SRP9: variants seen among roughly 807,000 people sequenced by gnomAD.
SRP9 encodes signal recognition particle 9, also known as signal recognition particle 9 kDa protein.
In SRP9, 2 loss-of-function variants were observed where a neutral mutation model predicts 11.7. That is an observed-to-expected ratio of 0.17 (90% CI 0.07 to 0.54). The LOEUF (loss-of-function observed/expected upper bound fraction) is 0.54, where lower values mean the gene tolerates loss of function less well. Ranked by LOEUF, SRP9 falls within the 20% of genes least tolerant of loss-of-function variation. The pLI, the probability that SRP9 is intolerant of heterozygous loss-of-function variation, is 0.94. For missense variants in SRP9, 54 were observed against 108.1 expected, an observed-to-expected ratio of 0.50 and a Z score of 2.22; for synonymous variants, 27 against 35.6, an observed-to-expected ratio of 0.76 and a Z score of 0.86.
chr1:225,789,160 A>G (rs775689467), intron 2 of SRP9, 80 bp from the exon 3 acceptor site: 170 of 1,554,912 alleles, frequency 1.1e-4, no homozygotes, highest in Non-Finnish European at 1.4e-4. Flanking sequence ...AACTCTCAAA[A>G]TTTTACCCAA....
intron 2 of SRP9, among the ~76,000 whole-genome samples, chr1:225,788,841 GT>G (rs201423099): frequency 1.3e-5 from 2 of 151,490 alleles, no homozygotes; most frequent in African/African-American, 2.4e-5. Context: ...AGATTTCTGT[GT>G]TTTTTTTTCC....
At chr1:225,785,478 T>C (rs1417338222) in intron 2 of SRP9, among the ~76,000 whole-genome samples, 1 of 151,672 alleles carries the variant, frequency 6.6e-6, no homozygotes, top group Non-Finnish European at 1.5e-5. Flanking sequence ...CCTCCTGGGT[T>C]CACGCCATTC....
rs67816765 is a variant in SRP9, at chr1:225,780,178, A to ATTTTTT, written c.72+2187_72+2192dup. ...ACAGACATGCCACCATGCCTGCCTA[A>ATTTTTT]TTTTTTTTTTTTTTTTTTTTTTTTT... On this transcript the variant is annotated intron_variant, in intron 1 of 2. Transcript: ENST00000304786. Among the ~76,000 whole-genome samples the ATTTTTT allele has an allele frequency of 2.6e-4, 34 of 130,172 alleles. 1 individual carries two copies. The highest frequency in any genetic ancestry group is 4.7e-4 in the Non-Finnish European group (30 of 63,302). The allele number at this position is 130,172 out of a possible 152,430, so 85.4% of individuals were successfully genotyped here. A position where few individuals can be genotyped will look rare whatever the true frequency, so the allele number is the denominator to read the frequency against.
intron 2 of SRP9, among the ~76,000 whole-genome samples, chr1:225,787,261 G>A (rs779246128): frequency 8.5e-5 from 13 of 152,138 alleles, no homozygotes; most frequent in African/African-American, 2.2e-4. Context: ...TAGGCCGGGC[G>A]CGGTGGCTCG....
In SRP9 at chr1:225,785,224, C is replaced by T. The variant is rs549272419; in HGVS notation, c.141+1856C>T. On this transcript the variant is annotated intron_variant, in intron 2 of 2. Coordinates refer to ENST00000304786, the MANE Select transcript of SRP9 (RefSeq NM_003133.6). ...TAGCTGGGACTACAGCCGTGCACCA[C>T]CACGCCCAACTAATTTTTTTTTTTT... Among the ~76,000 whole-genome samples, 11 of 151,212 alleles carry T rather than the reference C, an allele frequency of 7.3e-5. No individual in the cohort carries two copies. The South Asian group carries it at 8.4e-4, about 12-fold the overall frequency.
At position 225,777,851 on chromosome 1, in the gene SRP9, T is replaced by C; in HGVS notation, c.-90T>C. On this transcript the variant is annotated 5_prime_UTR_variant, in exon 1 of 3. Coordinates refer to ENST00000304786, the MANE Select transcript of SRP9 (RefSeq NM_003133.6). Reference sequence around the variant, plus strand: ...GCCGCCATCTTGGGGCTGCTGGGACTCGCGTCGGTTGGCGACTCCCGGACG... The same window carrying C: ...GCCGCCATCTTGGGGCTGCTGGGACCCGCGTCGGTTGGCGACTCCCGGACG... 2 of 1,304,940 alleles carry C rather than the reference T, an allele frequency of 1.5e-6. No homozygotes were observed. Among genetic ancestry groups the C allele is most frequent in the Non-Finnish European group, 2.2e-6 (2 of 918,484 alleles). 80.8% of individuals were successfully genotyped at this position (1,304,940 alleles called of 1,614,324 possible). A position where few individuals can be genotyped will look rare whatever the true frequency, so the allele number is the denominator to read the frequency against.
chr1:225,786,784 T>G (rs1665924900), intron 2 of SRP9: 2 of 1,233,134 alleles, frequency 1.6e-6, no homozygotes, highest in Admixed American at 2.9e-5. Context: ...CTAACATGAG[T>G]GCTTACCCTT....
intron 2 of SRP9, among the ~76,000 whole-genome samples, chr1:225,784,949 A>G (rs75875508): frequency 0.058 from 8,801 of 152,146 alleles, 349 homozygotes; most frequent in Middle Eastern, 0.13. Context: ...TTAATTAAAA[A>G]AATTTTTTTA....
At chr1:225,781,190 C>G (rs1665787508) in intron 1 of SRP9, among the ~76,000 whole-genome samples, 1 of 152,138 alleles carries the variant, frequency 6.6e-6, no homozygotes, top group Non-Finnish European at 1.5e-5. Flanking sequence ...TTTTCCCAGT[C>G]TAAGTTACTT....
chr1:225,778,024 G>C lies in SRP9; in HGVS notation c.72+12G>C. 1 of 1,614,122 alleles carries C rather than the reference G, an allele frequency of 6.2e-7. No homozygotes were observed. Among genetic ancestry groups the C allele is most frequent in the Non-Finnish European group, 8.5e-7 (1 of 1,179,990 alleles). ...CTGACCCTATGAAGGTAAATCGCTG[G>C]CGGGGCCGCTGCTTTGGGCCCCAGC... On this transcript the variant is annotated intron_variant, in intron 1 of 2. Coordinates refer to ENST00000304786, the MANE Select transcript of SRP9 (RefSeq NM_003133.6).
At chr1:225,778,372 T>G (rs906609726) in intron 1 of SRP9, among the ~76,000 whole-genome samples, 7 of 152,192 alleles carry the variant, frequency 4.6e-5, no homozygotes, top group African/African-American at 1.7e-4. Flanking sequence ...CTGTACCGCC[T>G]AGGCGGTAAG....
At chr1:225,783,182 T>G in intron 1 of SRP9, 118 bp from the exon 2 acceptor site, 2 of 683,172 alleles carry the variant, frequency 2.9e-6, no homozygotes, top group Non-Finnish European at 4.8e-6. Context: ...TAAAAATGCC[T>G]TTAGATGTTT....
Position 225,784,000 on chromosome 1 carries a change from G to GT in SRP9, c.141+642dup, listed in dbSNP as rs1001266450. Among the ~76,000 whole-genome samples, 401 of 145,760 alleles carry GT rather than the reference G, an allele frequency of 2.8e-3. 2 individuals are homozygous for GT. Among genetic ancestry groups the GT allele is most frequent in the Admixed American group, 7.1e-3 (103 of 14,590 alleles). On this transcript the variant is annotated intron_variant, in intron 2 of 2. Coordinates refer to ENST00000304786, the MANE Select transcript of SRP9 (RefSeq NM_003133.6). ...GTTGTTTCATTCTTCTTTGCTGATT[G>GT]TTTTTTTTTTGATGTGCCCCATATA... is the stretch of plus-strand genomic sequence containing the variant.
intron 2 of SRP9, among the ~76,000 whole-genome samples, chr1:225,785,142 C>A (rs1361225732): frequency 2.0e-5 from 3 of 151,660 alleles, no homozygotes; most frequent in South Asian, 4.2e-4. Context: ...GCGATCTCTG[C>A]TCACTGCAGC....
At chr1:225,778,796 A>G (rs181479710) in intron 1 of SRP9, among the ~76,000 whole-genome samples, 1 of 152,362 alleles carries the variant, frequency 6.6e-6, no homozygotes, top group East Asian at 1.9e-4. Flanking sequence ...CTTCGTGTTA[A>G]TTAAAAGTTC....
At chr1:225,778,731 C>G (rs1207338140) in intron 1 of SRP9, among the ~76,000 whole-genome samples, 1 of 152,160 alleles carries the variant, frequency 6.6e-6, no homozygotes, top group Non-Finnish European at 1.5e-5. Flanking sequence ...TCTTACTTTT[C>G]GTCTCTTGAG....
intron 2 of SRP9, among the ~76,000 whole-genome samples, chr1:225,787,495 CTG>C (rs1360781293): frequency 1.3e-5 from 2 of 152,084 alleles, no homozygotes; most frequent in Admixed American, 6.6e-5. Context: ...GATTGTGCCA[CTG>C]CACTCTAGCC....
intron 2 of SRP9, among the ~76,000 whole-genome samples, chr1:225,784,767 G>A (rs1397811012): frequency 1.3e-5 from 2 of 151,700 alleles, no homozygotes; most frequent in African/African-American, 2.4e-5. Flanking sequence ...GCATAAACCT[G>A]GGAGGTGGAG....
intron 1 of SRP9, among the ~76,000 whole-genome samples, chr1:225,778,299 G>T (rs1306089131): frequency 6.6e-6 from 1 of 152,192 alleles, no homozygotes. Context: ...GTTGTTTTAC[G>T]AGTCCCTGAA....
Sources: gnomAD v4.1 joint callset for allele counts (sites outside exome capture counted in the v4.1 genomes callset) on GRCh38, gnomAD v4.1.1 for gene constraint, MANE v1.5 for transcripts, NCBI Gene and HGNC (gene_info 2026-07-23, HGNC 2026-07-21) for gene names.